XYLT1: variants seen among roughly 807,000 people sequenced by gnomAD.
XYLT1 encodes the protein xylosyltransferase 1.
A neutral mutation model predicts 91.3 loss-of-function variants in XYLT1; 36 were observed. The observed-to-expected ratio is 0.39, with a 90% confidence interval of 0.30 to 0.52. XYLT1 has a LOEUF of 0.52. Ranked by LOEUF, XYLT1 falls within the 20% of genes least tolerant of loss-of-function variation. XYLT1 has a pLI of 0.68. For synonymous variants in XYLT1, 588 were observed against 532.0 expected (o/e 1.11, Z -1.45); for missense variants, 1,242 against 1,284.5 (o/e 0.97, Z 0.51).
intron 6 of XYLT1, among the ~76,000 whole-genome samples, chr16:17,147,470 C>T (rs531455729): frequency 4.6e-5 from 7 of 152,082 alleles, no homozygotes; most frequent in South Asian, 2.1e-4. Flanking sequence ...TGTGATGTCC[C>T]GGACCATAAT....
intron 2 of XYLT1, among the ~76,000 whole-genome samples, chr16:17,357,172 CAAAAAAAAAAA>C (rs1168668915): frequency 8.4e-4 from 35 of 41,678 alleles, no homozygotes; most frequent in African/African-American, 2.1e-3. Flanking sequence ...GACTCGGTCT[CAAAAAAAAAAA>C]AAAAAAAAAA....
intron 3 of XYLT1, among the ~76,000 whole-genome samples, chr16:17,233,874 T>C (rs2033205955): frequency 6.6e-6 from 1 of 152,152 alleles, no homozygotes. Context: ...GTGTATGAAA[T>C]GCCAACTTCA....
In XYLT1 at chr16:17,138,378, G is replaced by C; in HGVS notation, c.1741C>G (p.Pro581Ala). 6.2e-7 allele frequency: 1 copy of C among 1,613,806 alleles called. No homozygotes were observed. Among genetic ancestry groups the C allele is most frequent in the Non-Finnish European group, 8.5e-7 (1 of 1,179,878 alleles). Residue 581 changes from proline (P) to alanine (A), a missense_variant, in exon 8 of 12, where the codon CCG (proline) becomes GCG (alanine). By Grantham distance (27) the Pro-to-Ala change is conservative. Around this residue, in one of 3 missense-constraint regions of XYLT1, gnomAD observed 294 missense variants for 376.0 expected, o/e 0.78. Coordinates refer to ENST00000261381, the MANE Select transcript of XYLT1 (RefSeq NM_022166.4). ...WCGCSPNDFK[P>A]QDFHRFQQTA... ...ACCTGGAAGCGGTGGAAGTCCTGCG[G>C]CTTGAAGTCATTGGGGGAGCAGCCG... is the stretch of plus-strand genomic sequence containing the variant.
At chr16:17,410,804 G>A (rs146330753) in intron 1 of XYLT1, among the ~76,000 whole-genome samples, 74 of 152,022 alleles carry the variant, frequency 4.9e-4, no homozygotes, top group African/African-American at 1.5e-3. Flanking sequence ...CAGCATGCCC[G>A]GCTAATTTTG....
At chr16:17,125,288 G>C (rs143592288) in intron 10 of XYLT1, among the ~76,000 whole-genome samples, 42 of 152,308 alleles carry the variant, frequency 2.8e-4, no homozygotes, top group African/African-American at 9.4e-4. Flanking sequence ...AGTTCATGAT[G>C]TGGGGCTCCA....
chr16:17,158,948 C>T (rs374743116), intron 5 of XYLT1, 39 bp from the exon 6 acceptor site: 8 of 1,573,552 alleles, frequency 5.1e-6, no homozygotes, highest in Admixed American at 1.7e-5. Flanking sequence ...GGCCAGACAC[C>T]GTGGGTACTG....
At chr16:17,394,099 A>G (rs1402424155) in intron 1 of XYLT1, among the ~76,000 whole-genome samples, 1 of 152,164 alleles carries the variant, frequency 6.6e-6, no homozygotes, top group Non-Finnish European at 1.5e-5. Flanking sequence ...TAAATGTCAA[A>G]TGAAGTAAAT....
chr16:17,194,398 C>A (rs993302050), intron 5 of XYLT1, among the ~76,000 whole-genome samples: 1 of 152,188 alleles, frequency 6.6e-6, no homozygotes, highest in Non-Finnish European at 1.5e-5. Context: ...GGCAGCAATG[C>A]GCATGCCTAC....
chr16:17,338,671 G>A (rs2035024263), intron 2 of XYLT1: 1 of 365,954 alleles, frequency 2.7e-6, no homozygotes, highest in South Asian at 2.1e-5. Context: ...CCAGGCTGGA[G>A]TGCAGTTAGT....
At chr16:17,385,933 T>C (rs990464716) in intron 1 of XYLT1, among the ~76,000 whole-genome samples, 1 of 152,164 alleles carries the variant, frequency 6.6e-6, no homozygotes, top group African/African-American at 2.4e-5. Context: ...GCACTAACAA[T>C]AGCACCTACT....
intron 5 of XYLT1, among the ~76,000 whole-genome samples, chr16:17,185,665 C>G (rs1435838730): frequency 6.6e-6 from 1 of 152,206 alleles, no homozygotes; most frequent in Admixed American, 6.5e-5. Flanking sequence ...TTTCAATTCT[C>G]ACTAGTACAA....
At chr16:17,292,135 T>C (rs1330284248) in intron 2 of XYLT1, among the ~76,000 whole-genome samples, 2 of 152,068 alleles carry the variant, frequency 1.3e-5, no homozygotes, top group African/African-American at 2.4e-5. Context: ...TGTGTGTCTA[T>C]ATATATGTTT....
chr16:17,141,888 CA>C (rs2030987631), intron 6 of XYLT1, among the ~76,000 whole-genome samples: 1 of 152,152 alleles, frequency 6.6e-6, no homozygotes, highest in Non-Finnish European at 1.5e-5. Context: ...ACATTATATA[CA>C]GGATTACAAC....
intron 1 of XYLT1, among the ~76,000 whole-genome samples, chr16:17,368,741 C>T (rs1368405293): frequency 1.3e-5 from 2 of 152,096 alleles, no homozygotes; most frequent in South Asian, 2.1e-4. Flanking sequence ...TGTGCCACCA[C>T]GCCTGGCTAA....
chr16:17,186,693 T>C (rs935928261), intron 5 of XYLT1, among the ~76,000 whole-genome samples: 1 of 152,058 alleles, frequency 6.6e-6, no homozygotes, highest in South Asian at 2.1e-4. Context: ...GCAGGGATGG[T>C]GTCTGTCCTG....
intron 3 of XYLT1, among the ~76,000 whole-genome samples, chr16:17,237,490 C>A (rs1231154789): frequency 6.6e-6 from 1 of 152,166 alleles, no homozygotes; most frequent in African/African-American, 2.4e-5. Context: ...AGGCAGTGAA[C>A]TGGTTTTTCA....
intron 6 of XYLT1, among the ~76,000 whole-genome samples, chr16:17,156,028 T>C (rs1294563787): frequency 1.3e-5 from 2 of 152,212 alleles, no homozygotes; most frequent in Non-Finnish European, 2.9e-5. Flanking sequence ...ACATTTACTA[T>C]GCCAAATGCT....
chr16:17,267,568 G>A (rs1242332867), intron 2 of XYLT1, among the ~76,000 whole-genome samples: 5 of 152,138 alleles, frequency 3.3e-5, no homozygotes, highest in Admixed American at 6.5e-5. Context: ...CACCAAGCCC[G>A]GCTAATATTT....
chr16:17,179,465 A>G (rs1162112286), intron 5 of XYLT1, among the ~76,000 whole-genome samples: 3 of 152,184 alleles, frequency 2.0e-5, no homozygotes, highest in Non-Finnish European at 4.4e-5. Context: ...TTTCTGGCAT[A>G]TCCGTCTAAT....
Sources: gnomAD v4.1 joint callset for allele counts (sites outside exome capture counted in the v4.1 genomes callset) on GRCh38, gnomAD v4.1.1 for gene constraint, gnomAD v4.1.1 regional missense constraint, MANE v1.5 for transcripts, NCBI Gene and HGNC (gene_info 2026-07-23, HGNC 2026-07-21) for gene names.